PACSIN2: variants seen among roughly 807,000 people sequenced by gnomAD.
PACSIN2 encodes the protein protein kinase C and casein kinase substrate in neurons protein 2.
A neutral mutation model predicts 63.8 loss-of-function variants in PACSIN2; 25 were observed. The observed-to-expected ratio is 0.39, with a 90% CI of 0.29 to 0.55. PACSIN2 has a LOEUF of 0.55. Among genes scored for constraint, PACSIN2 ranks in the 20% least tolerant of loss-of-function variants. The pLI is 0.62. For synonymous variants in PACSIN2, 255 were observed against 256.2 expected, an observed-to-expected ratio of 1.00 and a Z score of 0.05; for missense variants, 518 against 646.9, an observed-to-expected ratio of 0.80 and a Z score of 2.16.
At chr22:42,876,395 G>A (rs1454909677) in intron 9 of PACSIN2, 62 bp from the exon 10 acceptor site, 18 of 1,433,060 alleles carry the variant, frequency 1.3e-5, no homozygotes, top group Admixed American at 3.6e-5. Context: ...TGAGGCCCCC[G>A]CCCCGCAAGG....
At chr22:42,927,944 G>C (rs1227325973) in intron 1 of PACSIN2, among the ~76,000 whole-genome samples, 1 of 152,078 alleles carries the variant, frequency 6.6e-6, no homozygotes, top group African/African-American at 2.4e-5. Flanking sequence ...CCACTGAGCC[G>C]AGCCCTCATG....
intron 2 of PACSIN2, among the ~76,000 whole-genome samples, chr22:42,903,258 A>T (rs750229409): frequency 6.6e-6 from 1 of 152,084 alleles, no homozygotes; most frequent in Non-Finnish European, 1.5e-5. Context: ...TTCCCTGGGG[A>T]GGGTGTGCGT....
intron 3 of PACSIN2, 75 bp downstream of exon 3, chr22:42,893,382 G>T: frequency 1.4e-6 from 2 of 1,457,828 alleles, no homozygotes; most frequent in South Asian, 1.1e-5. Context: ...CATAGAGAGG[G>T]TCACAACGTG....
At chr22:42,931,512 G>A (rs1162126223) in intron 1 of PACSIN2, among the ~76,000 whole-genome samples, 1 of 152,204 alleles carries the variant, frequency 6.6e-6, no homozygotes, top group African/African-American at 2.4e-5. Context: ...GAAGGTAGTG[G>A]AGGAACACAG....
Position 42,944,008 on chromosome 22 carries a change from G to A in PACSIN2, c.-77-31851C>T, listed in dbSNP as rs74704770. ...GAGAGGAACAAACAGAAGAGGAGAT[G>A]GCTGGGCAGAGACAGGAATGCTCAC... On this transcript the variant is annotated intron_variant, in intron 1 of 10. Coordinates refer to ENST00000263246, the MANE Select transcript of PACSIN2 (RefSeq NM_001184970.3). 4.3e-3 allele frequency among the ~76,000 whole-genome samples: 650 copies of A among 152,292 alleles called. 3 individuals carry two copies. The highest frequency in any genetic ancestry group is 0.015 in the African/African-American group (614 of 41,544).
chr22:42,962,423 A>C (rs1358710759), intron 1 of PACSIN2, among the ~76,000 whole-genome samples: 1 of 152,162 alleles, frequency 6.6e-6, no homozygotes, highest in East Asian at 1.9e-4. Flanking sequence ...AGCTGGCGCA[A>C]GGAGAGCCAG....
At chr22:43,009,987 A>G (rs1357090815) in intron 1 of PACSIN2, among the ~76,000 whole-genome samples, 3 of 148,056 alleles carry the variant, frequency 2.0e-5, no homozygotes, top group Non-Finnish European at 4.4e-5. Context: ...CTCCTGCCTC[A>G]GCCTCCCGAG....
intron 1 of PACSIN2, among the ~76,000 whole-genome samples, chr22:42,965,137 C>G (rs2413737): frequency 0.6 from 91,724 of 152,066 alleles, 28,210 homozygotes; most frequent in East Asian, 0.78. Context: ...TGACATGGAT[C>G]AATCACAAAA....
intron 2 of PACSIN2, among the ~76,000 whole-genome samples, chr22:42,905,784 G>A (rs1182799784): frequency 6.6e-6 from 1 of 152,208 alleles, no homozygotes; most frequent in Non-Finnish European, 1.5e-5. Context: ...GCTCCTGGTG[G>A]GTGGATGGGT....
At chr22:42,940,145 C>T (rs1933087371) in intron 1 of PACSIN2, among the ~76,000 whole-genome samples, 1 of 152,234 alleles carries the variant, frequency 6.6e-6, no homozygotes, top group Non-Finnish European at 1.5e-5. Context: ...TTACCTAGTA[C>T]TATTCCTACA....
intron 1 of PACSIN2, among the ~76,000 whole-genome samples, chr22:42,929,405 C>A (rs951588379): frequency 6.6e-6 from 1 of 152,174 alleles, no homozygotes; most frequent in Non-Finnish European, 1.5e-5. Flanking sequence ...ACTCTGGGTC[C>A]CAGGACTTCT....
chr22:42,895,220 T>C (rs2146680140), intron 2 of PACSIN2, among the ~76,000 whole-genome samples: 1 of 152,320 alleles, frequency 6.6e-6, no homozygotes, highest in African/African-American at 2.4e-5. Context: ...GAAGTGAGCA[T>C]TTTCACAGCT....
chr22:42,928,511 T>A (rs796869583), intron 1 of PACSIN2, among the ~76,000 whole-genome samples: 25 of 152,354 alleles, frequency 1.6e-4, no homozygotes, highest in African/African-American at 6.0e-4. Context: ...ATAAGCCTCA[T>A]TTGTGAAATT....
chr22:42,962,786 G>GT, intron 1 of PACSIN2, among the ~76,000 whole-genome samples: 1 of 131,498 alleles, frequency 7.6e-6, no homozygotes. Context: ...GGGGGGGGGG[G>GT]GCGGCGCAGA....
At chr22:42,946,607 C>A (rs1400252633) in intron 1 of PACSIN2, among the ~76,000 whole-genome samples, 1 of 152,208 alleles carries the variant, frequency 6.6e-6, no homozygotes, top group Non-Finnish European at 1.5e-5. Context: ...CAGCAAGAAG[C>A]CCCAGTTACA....
chr22:42,964,974 G>A (rs1462964791), intron 1 of PACSIN2, among the ~76,000 whole-genome samples: 2 of 152,212 alleles, frequency 1.3e-5, no homozygotes, highest in African/African-American at 4.8e-5. Context: ...TTCCTCATAT[G>A]CTGCTGAAAG....
chr22:42,965,021 G>C (rs1920941216), intron 1 of PACSIN2, among the ~76,000 whole-genome samples: 1 of 152,300 alleles, frequency 6.6e-6, no homozygotes. Flanking sequence ...TAGCACCTAG[G>C]TTTGTCACAC....
intron 2 of PACSIN2, among the ~76,000 whole-genome samples, chr22:42,907,386 C>G (rs774728239): frequency 1.3e-5 from 2 of 152,194 alleles, no homozygotes; most frequent in Non-Finnish European, 2.9e-5. Context: ...CATGGTTCAG[C>G]AGATACTAGT....
At chr22:42,910,216 T>C (rs1383324521) in intron 2 of PACSIN2, among the ~76,000 whole-genome samples, 1 of 152,188 alleles carries the variant, frequency 6.6e-6, no homozygotes, top group Non-Finnish European at 1.5e-5. Context: ...TTGAGTGTGC[T>C]TGTCCTGTCT....
Sources: gnomAD v4.1 joint callset for allele counts (sites outside exome capture counted in the v4.1 genomes callset) on GRCh38, gnomAD v4.1.1 for gene constraint, MANE v1.5 for transcripts, NCBI Gene and HGNC (gene_info 2026-07-23, HGNC 2026-07-21) for gene names.